NOS1: variants seen among roughly 807,000 people sequenced by gnomAD.
NOS1 encodes nitric oxide synthase 1.
In NOS1, 51 loss-of-function variants were observed where a neutral mutation model predicts 164.5. The observed-to-expected ratio is 0.31, with a 90% CI of 0.25 to 0.39. The LOEUF (loss-of-function observed/expected upper bound fraction) is 0.39. NOS1 is among the 10% of genes least tolerant of loss of function. The pLI, the probability that NOS1 is intolerant of heterozygous loss-of-function variation, is 1.00. For synonymous variants in NOS1, 719 were observed against 745.8 expected, an observed-to-expected ratio of 0.96 and a Z score of 0.59; for missense variants, 1,362 against 1,885.6, an observed-to-expected ratio of 0.72 and a Z score of 5.14.
rs754372642 is a variant in NOS1 at position 117,289,465 on chromosome 12, TA to T, written c.981+832del. ...GTGGCTTAACAGTCAGAGACAGGTTTATTTTAAAGAATAAACCTGAGAGGGG... is the reference window on the plus strand; with the variant it reads ...GTGGCTTAACAGTCAGAGACAGGTTTTTTTAAAGAATAAACCTGAGAGGGG... On this transcript the variant is annotated intron_variant, in intron 4 of 28. Coordinates refer to ENST00000317775, the MANE Select transcript of NOS1 (RefSeq NM_000620.5). 1.7e-4 allele frequency among the ~76,000 whole-genome samples: 26 copies of T among 152,364 alleles called. 1 individual carries two copies. The highest frequency in any genetic ancestry group is 4.1e-4 in the South Asian group (2 of 4,826).
At chr12:117,292,228 C>T (rs1293507183) in intron 3 of NOS1, among the ~76,000 whole-genome samples, 1 of 152,146 alleles carries the variant, frequency 6.6e-6, no homozygotes, top group African/African-American at 2.4e-5. Context: ...AGTATAATTC[C>T]AGGTGATGAT....
chr12:117,245,964 T>A (rs1361474884), intron 18 of NOS1: 2 of 152,914 alleles, frequency 1.3e-5, no homozygotes, highest in African/African-American at 4.8e-5. Context: ...AATATAGGGA[T>A]AGGAATCTCT....
At chr12:117,287,079 G>A (rs1304439062) in intron 5 of NOS1, among the ~76,000 whole-genome samples, 3 of 152,040 alleles carry the variant, frequency 2.0e-5, no homozygotes, top group African/African-American at 7.2e-5. Context: ...GCTGGGTGTG[G>A]TGGTGCGTGC....
At chr12:117,341,006 T>A (rs942960731) in intron 1 of NOS1, among the ~76,000 whole-genome samples, 1 of 151,178 alleles carries the variant, frequency 6.6e-6, no homozygotes, top group Non-Finnish European at 1.5e-5. Flanking sequence ...ATTACAGACA[T>A]GAGCCACTGT....
At chr12:117,298,845 G>T (rs1266161273) in intron 3 of NOS1, among the ~76,000 whole-genome samples, 1 of 152,226 alleles carries the variant, frequency 6.6e-6, no homozygotes, top group East Asian at 1.9e-4. Context: ...GCCACCAGTT[G>T]GTGGTGTTTT....
At chr12:117,339,200 C>T (rs1478718015) in intron 1 of NOS1, among the ~76,000 whole-genome samples, 1 of 152,166 alleles carries the variant, frequency 6.6e-6, no homozygotes, top group African/African-American at 2.4e-5. Context: ...CATTCTTTGC[C>T]TTGGGGATCC....
chr12:117,346,199 C>T (rs1043136925), intron 1 of NOS1, among the ~76,000 whole-genome samples: 3 of 152,022 alleles, frequency 2.0e-5, no homozygotes, highest in South Asian at 2.1e-4. Flanking sequence ...GGCCAGGTGC[C>T]GTGGCTCACG....
chr12:117,241,065 G>A (rs929744387), intron 20 of NOS1, among the ~76,000 whole-genome samples: 1 of 151,204 alleles, frequency 6.6e-6, no homozygotes, highest in Admixed American at 6.6e-5. Context: ...TCAGCCTCCT[G>A]AGTAGCTGGG....
At chr12:117,305,433 T>C (rs1166723672) in intron 3 of NOS1, among the ~76,000 whole-genome samples, 1 of 151,250 alleles carries the variant, frequency 6.6e-6, no homozygotes, top group Non-Finnish European at 1.5e-5. Flanking sequence ...CATTGCACTC[T>C]TGCCTGGGCG....
At chr12:117,305,180 C>T (rs1247256499) in intron 3 of NOS1, 21 of 666,456 alleles carry the variant, frequency 3.2e-5, no homozygotes, top group East Asian at 1.3e-4. Context: ...AAGCTGATTC[C>T]GGCTGGGAGC....
chr12:117,348,017 A>ATTTTTTTTTTTTTTTT (rs5801226), intron 1 of NOS1: 1 of 101,878 alleles, frequency 9.8e-6, no homozygotes. Flanking sequence ...GATCCCCTAC[A>ATTTTTTTTTTTTTTTT]TTTTTTTTTT....
At chr12:117,219,989 T>C in intron 27 of NOS1, 86 bp downstream of exon 27, 1 of 1,337,078 alleles carries the variant, frequency 7.5e-7, no homozygotes, top group Non-Finnish European at 1.0e-6. Context: ...GTGGCTCCCC[T>C]AATCATCAAG....
At chr12:117,224,919 G>A in intron 25 of NOS1, 97 bp downstream of exon 25, 1 of 1,502,940 alleles carries the variant, frequency 6.7e-7, no homozygotes, top group Non-Finnish European at 9.2e-7. Flanking sequence ...TGATGCCGTG[G>A]AGAGACACCT....
intron 3 of NOS1, among the ~76,000 whole-genome samples, chr12:117,298,759 G>A (rs1443331835): frequency 6.6e-6 from 1 of 152,174 alleles, no homozygotes; most frequent in Non-Finnish European, 1.5e-5. Context: ...GCCCTCGGAA[G>A]GAACCAGCAC....
intron 10 of NOS1, among the ~76,000 whole-genome samples, chr12:117,269,507 G>A (rs564017874): frequency 2.6e-4 from 32 of 124,638 alleles, no homozygotes; most frequent in Admixed American, 1.0e-3. Flanking sequence ...TCACTCTGTC[G>A]CCAGGCTGGA....
At chr12:117,225,191 A>G (rs971472286) in intron 24 of NOS1, 54 bp from the exon 25 acceptor site, 4 of 1,568,042 alleles carry the variant, frequency 2.6e-6, no homozygotes, top group African/African-American at 2.7e-5. Context: ...CCAATCAAGA[A>G]CAATTGAATC....
chr12:117,320,003 G>A (rs1396476046), intron 2 of NOS1, among the ~76,000 whole-genome samples: 1 of 152,190 alleles, frequency 6.6e-6, no homozygotes, highest in Non-Finnish European at 1.5e-5. Flanking sequence ...GCTGGTGAGA[G>A]GTAAAGTGGA....
chr12:117,341,020 C>T (rs142067905), intron 1 of NOS1, among the ~76,000 whole-genome samples: 31 of 152,084 alleles, frequency 2.0e-4, no homozygotes, highest in African/African-American at 7.2e-4. Flanking sequence ...CCACTGTGCC[C>T]AGCCAATAGT....
chr12:117,218,462 A>G (rs1956646344), intron 27 of NOS1, among the ~76,000 whole-genome samples: 2 of 152,074 alleles, frequency 1.3e-5, no homozygotes, highest in South Asian at 4.2e-4. Context: ...AAAAGGAGCG[A>G]TGAGGTCAAA....
Sources: allele counts gnomAD v4.1 joint callset (sites outside exome capture counted in the v4.1 genomes callset), GRCh38; gene constraint gnomAD v4.1.1; transcripts MANE v1.5; gene names NCBI Gene and HGNC (gene_info 2026-07-23, HGNC 2026-07-21).